Variants in PTPRD observed in about 807,000 individuals in gnomAD.
The protein encoded by PTPRD is protein tyrosine phosphatase receptor type D, also known as receptor-type tyrosine-protein phosphatase delta.
A neutral mutation model predicts 214.5 loss-of-function variants in PTPRD; 34 were observed. The ratio of observed to expected loss-of-function variants is 0.16; its 90% CI spans 0.12 to 0.21. The LOEUF (loss-of-function observed/expected upper bound fraction) is 0.21. PTPRD is among the 10% of genes least tolerant of loss of function. PTPRD has a pLI of 1.00. For synonymous variants in PTPRD, 1,128 were observed against 845.7 expected (o/e 1.33, Z -5.79); for missense variants, 2,545 against 2,398.7 (o/e 1.06, Z -1.27).
At chr9:8,599,419 TC>T (rs1187681150) in intron 14 of PTPRD, among the ~76,000 whole-genome samples, 1 of 152,136 alleles carries the variant, frequency 6.6e-6, no homozygotes, top group Admixed American at 6.5e-5. Flanking sequence ...CATTGAAGCA[TC>T]AGTTACCTAT....
At chr9:9,028,645 T>A (rs1313573828) in intron 10 of PTPRD, among the ~76,000 whole-genome samples, 1 of 151,964 alleles carries the variant, frequency 6.6e-6, no homozygotes, top group Non-Finnish European at 1.5e-5. Flanking sequence ...AAAGACATTA[T>A]GCTAAGTGAT....
At chr9:8,499,057 G>T (rs552293984) in intron 25 of PTPRD, among the ~76,000 whole-genome samples, 1 of 152,042 alleles carries the variant, frequency 6.6e-6, no homozygotes, top group South Asian at 2.1e-4. Context: ...TCAACGTAAG[G>T]ATCCCACTTA....
Position 9,822,413 on chromosome 9 carries a change from A to AAATATATAATATATACAT in PTPRD, c.-367-55580_-367-55563dup, listed in dbSNP as rs1248257726. 6.1e-5 allele frequency among the ~76,000 whole-genome samples: 9 copies of AAATATATAATATATACAT among 148,460 alleles called. No homozygotes were observed. In the Admixed American group the frequency reaches 6.1e-4, roughly 10 times the overall value. The stretch of plus-strand genomic sequence containing the variant: ...TGACAGAGCAGGACTCCATCTCAAA[A>AAATATATAATATATACAT]AATATATAATATATACATAATATAT... On this transcript the variant is annotated intron_variant, in intron 5 of 45. Transcript: ENST00000381196.
chr9:8,774,992 G>A (rs950672390), intron 11 of PTPRD, among the ~76,000 whole-genome samples: 3 of 152,112 alleles, frequency 2.0e-5, no homozygotes, highest in African/African-American at 7.2e-5. Flanking sequence ...ACTAGGGATG[G>A]CAACAGAAAG....
At chr9:10,527,932 T>C (rs1422162970) in intron 2 of PTPRD, among the ~76,000 whole-genome samples, 1 of 152,148 alleles carries the variant, frequency 6.6e-6, no homozygotes, top group Admixed American at 6.6e-5. Context: ...TTTCTTGTTT[T>C]TATATACACT....
At chr9:8,964,979 T>C (rs556722807) in intron 11 of PTPRD, among the ~76,000 whole-genome samples, 4 of 152,244 alleles carry the variant, frequency 2.6e-5, no homozygotes, top group Middle Eastern at 3.4e-3. Context: ...ATGTGGTTGA[T>C]CTTGGGGTAA....
At chr9:8,534,415 C>A (rs544443127) in intron 14 of PTPRD, among the ~76,000 whole-genome samples, 1 of 151,836 alleles carries the variant, frequency 6.6e-6, no homozygotes, top group Non-Finnish European at 1.5e-5. Context: ...GAGGCAAACA[C>A]TGTGGGTCTT....
At chr9:10,446,780 G>T (rs913878092) in intron 2 of PTPRD, among the ~76,000 whole-genome samples, 1 of 151,954 alleles carries the variant, frequency 6.6e-6, no homozygotes, top group African/African-American at 2.4e-5. Context: ...CAATATTACG[G>T]GTATTTAAAA....
intron 11 of PTPRD, among the ~76,000 whole-genome samples, chr9:8,927,213 C>G (rs2098905631): frequency 6.6e-6 from 1 of 152,008 alleles, no homozygotes; most frequent in Non-Finnish European, 1.5e-5. Flanking sequence ...GACTGTTTTT[C>G]TCATATTTAT....
intron 25 of PTPRD, among the ~76,000 whole-genome samples, chr9:8,498,073 A>G (rs1488161683): frequency 6.6e-6 from 1 of 152,142 alleles, no homozygotes; most frequent in Non-Finnish European, 1.5e-5. Flanking sequence ...TCCAGTGTTG[A>G]AGGGGTATTA....
At chr9:8,535,426 C>G (rs1211309571) in intron 14 of PTPRD, among the ~76,000 whole-genome samples, 1 of 151,912 alleles carries the variant, frequency 6.6e-6, no homozygotes, top group African/African-American at 2.4e-5. Flanking sequence ...ATTTTAGGCT[C>G]TTTGATTAAT....
At chr9:8,842,294 T>C (rs2097573988) in intron 11 of PTPRD, among the ~76,000 whole-genome samples, 1 of 151,774 alleles carries the variant, frequency 6.6e-6, no homozygotes, top group East Asian at 1.9e-4. Flanking sequence ...GCGACTATGT[T>C]TTCAGATAAA....
At chr9:10,425,227 T>C (rs1414964211) in intron 2 of PTPRD, among the ~76,000 whole-genome samples, 1 of 151,980 alleles carries the variant, frequency 6.6e-6, no homozygotes, top group Non-Finnish European at 1.5e-5. Flanking sequence ...TTAGAGTTAT[T>C]CAAATGTTTG....
At chr9:9,382,597 T>G (rs151144527) in intron 9 of PTPRD, among the ~76,000 whole-genome samples, 1 of 151,562 alleles carries the variant, frequency 6.6e-6, no homozygotes, top group Non-Finnish European at 1.5e-5. Context: ...AAATGAAAAA[T>G]GAGATATCAC....
At chr9:9,048,455 T>C (rs897219570) in intron 10 of PTPRD, among the ~76,000 whole-genome samples, 2 of 152,116 alleles carry the variant, frequency 1.3e-5, no homozygotes, top group Admixed American at 6.6e-5. Flanking sequence ...ATACACACAA[T>C]GGAGTACTAT....
intron 8 of PTPRD, among the ~76,000 whole-genome samples, chr9:9,523,732 A>T (rs548072554): frequency 6.6e-6 from 1 of 152,268 alleles, no homozygotes; most frequent in Non-Finnish European, 1.5e-5. Context: ...CCTCTGAGAC[A>T]GCATGTGGTC....
rs374660819 is a variant in PTPRD, at chr9:8,978,861, T to TA, written c.-104+39835dup. The stretch of plus-strand genomic sequence containing the variant: ...CTACTATATCTTACCTGCTTCACTT[T>TA]ACTGCTAATGATTCCTGAAAACGTC... On this transcript the variant is annotated intron_variant, in intron 11 of 45. Coordinates refer to ENST00000381196, the MANE Select transcript of PTPRD (RefSeq NM_002839.4). 3.3e-5 allele frequency among the ~76,000 whole-genome samples: 5 copies of TA among 152,294 alleles called. No homozygotes were observed. The East Asian group carries it at 9.7e-4, about 29-fold the overall frequency.
intron 14 of PTPRD, among the ~76,000 whole-genome samples, chr9:8,611,099 C>A (rs369888783): frequency 1.3e-5 from 2 of 152,130 alleles, no homozygotes; most frequent in African/African-American, 2.4e-5. Context: ...CAAAAGATTA[C>A]ATTTCTTATA....
At chr9:9,442,700 TAAATCAA>T (rs2088602857) in intron 8 of PTPRD, among the ~76,000 whole-genome samples, 1 of 152,166 alleles carries the variant, frequency 6.6e-6, no homozygotes, top group Non-Finnish European at 1.5e-5. Context: ...TCTGAAGCTG[TAAATCAA>T]AAGCTGAAGA....
Sources: allele counts gnomAD v4.1 joint callset (sites outside exome capture counted in the v4.1 genomes callset), GRCh38; gene constraint gnomAD v4.1.1; transcripts MANE v1.5; gene names NCBI Gene and HGNC (gene_info 2026-07-23, HGNC 2026-07-21).